TBC1D12: variants seen among roughly 807,000 people sequenced by gnomAD.
TBC1D12 encodes the protein TBC1 domain family member 12.
TBC1D12 carries 56 observed loss-of-function variants against 86.7 expected under a neutral mutation model. The observed-to-expected ratio is 0.65, with a 90% CI of 0.52 to 0.81. The LOEUF is 0.81. TBC1D12 is among the 30% of genes least tolerant of loss of function. The probability of loss-of-function intolerance (pLI) is 0.00; values close to 1 mark genes in which losing one functional copy is unlikely to be tolerated. For synonymous variants in TBC1D12, 421 were observed against 411.7 expected, an observed-to-expected ratio of 1.02 and a Z score of -0.27; for missense variants, 1,023 against 1,038.8, an observed-to-expected ratio of 0.98 and a Z score of 0.21.
rs565548061 is a variant in TBC1D12 at position 94,443,701 on chromosome 10, C to T, written c.1095+1682C>T. 2.0e-5 allele frequency among the ~76,000 whole-genome samples: 3 copies of T among 152,264 alleles called. No individual in the cohort carries two copies. In the East Asian group the frequency reaches 5.8e-4, roughly 29 times the overall value. ...AGTGCTACTACATACTTTTCTGTGGCATCATATCTTTGTGAATCTGTTTTT... is the reference window on the plus strand; with the variant it reads ...AGTGCTACTACATACTTTTCTGTGGTATCATATCTTTGTGAATCTGTTTTT... On this transcript the variant is annotated intron_variant, in intron 2 of 12. Transcript: ENST00000225235.
chr10:94,518,485 C>T (rs549051321), intron 9 of TBC1D12, among the ~76,000 whole-genome samples: 11 of 152,214 alleles, frequency 7.2e-5, no homozygotes, highest in African/African-American at 1.2e-4. Context: ...TTGTATGTGT[C>T]GTAACAATGT....
At chr10:94,458,834 C>T (rs934052653) in intron 2 of TBC1D12, among the ~76,000 whole-genome samples, 3 of 152,146 alleles carry the variant, frequency 2.0e-5, no homozygotes, top group Admixed American at 2.0e-4. Context: ...CCCATGGGTT[C>T]ATGGTCTTGC....
At chr10:94,527,450 A>T (rs1397611264) in intron 11 of TBC1D12, among the ~76,000 whole-genome samples, 4 of 146,858 alleles carry the variant, frequency 2.7e-5, no homozygotes, top group South Asian at 2.2e-4. Context: ...TTTGCCTATT[A>T]ATTTCCTGTC....
At chr10:94,525,701 G>A (rs1050542275) in intron 11 of TBC1D12, among the ~76,000 whole-genome samples, 1 of 148,848 alleles carries the variant, frequency 6.7e-6, no homozygotes, top group East Asian at 1.9e-4. Flanking sequence ...AACCGTAATT[G>A]CAACAATGTA....
intron 3 of TBC1D12, among the ~76,000 whole-genome samples, chr10:94,478,272 A>G (rs1381492103): frequency 6.6e-6 from 1 of 152,202 alleles, no homozygotes; most frequent in Non-Finnish European, 1.5e-5. Context: ...AGAAAAAATA[A>G]AATAAGATGA....
At chr10:94,417,831 C>T (rs1488870138) in intron 1 of TBC1D12, among the ~76,000 whole-genome samples, 2 of 151,088 alleles carry the variant, frequency 1.3e-5, no homozygotes, top group Non-Finnish European at 2.9e-5. Context: ...TCACTGCAAG[C>T]TCCACCTCCC....
chr10:94,530,754 C>G (rs1299825455), intron 11 of TBC1D12, among the ~76,000 whole-genome samples: 1 of 151,680 alleles, frequency 6.6e-6, no homozygotes, highest in Non-Finnish European at 1.5e-5. Flanking sequence ...TTCTACCACT[C>G]TAGTATATAT....
chr10:94,516,118 G>A (rs1475775935), intron 9 of TBC1D12, among the ~76,000 whole-genome samples: 1 of 152,162 alleles, frequency 6.6e-6, no homozygotes, highest in East Asian at 1.9e-4. Context: ...GGAAAGTGGA[G>A]GACTACTGTA....
intron 1 of TBC1D12, among the ~76,000 whole-genome samples, chr10:94,432,750 A>G (rs552981928): frequency 1.3e-5 from 2 of 150,656 alleles, no homozygotes; most frequent in Admixed American, 6.6e-5. Flanking sequence ...ACTATAATAT[A>G]TAATTAGAAC....
At chr10:94,458,812 T>C (rs540748466) in intron 2 of TBC1D12, among the ~76,000 whole-genome samples, 7 of 152,228 alleles carry the variant, frequency 4.6e-5, no homozygotes, top group African/African-American at 1.7e-4. Context: ...CATCTGGAGT[T>C]GTTCGTCCCT....
In TBC1D12 at chr10:94,403,287, G is replaced by C. The variant is rs1477035176; in HGVS notation, c.674G>C (p.Ser225Thr). 6.7e-7 allele frequency: 1 copy of C among 1,497,618 alleles called. No homozygotes were observed. The highest frequency in any genetic ancestry group is 8.9e-7 in the Non-Finnish European group (1 of 1,125,370). 92.8% of individuals were successfully genotyped at this position (1,497,618 alleles called of 1,614,324 possible). A position where few individuals can be genotyped will look rare whatever the true frequency, so the allele number is the denominator to read the frequency against. Residue 225 changes from serine (S) to threonine (T), a missense_variant, in exon 1 of 13, where the codon AGC becomes ACC. Physicochemically the swap from Ser to Thr is moderately conservative, Grantham distance 58 (BLOSUM62 1). Around this residue, in one of 2 missense-constraint regions of TBC1D12, gnomAD observed 628 missense variants for 531.1 expected, o/e 1.18. Coordinates refer to ENST00000225235, the MANE Select transcript of TBC1D12 (RefSeq NM_015188.2). ...AGCGACTCGGGGGACAGCCCCGCCA[G>C]CAGCTGCAGCAGTAGCGAGGACTCA... ...AGSDSGDSPA[S>T]SCSSSEDSEQ...
chr10:94,500,391 G>T, intron 6 of TBC1D12, 64 bp downstream of exon 6: 1 of 1,340,996 alleles, frequency 7.5e-7, no homozygotes, highest in Non-Finnish European at 1.0e-6. Context: ...TTACATAGCA[G>T]ATTAGTAGAG....
intron 1 of TBC1D12, among the ~76,000 whole-genome samples, chr10:94,430,143 C>T (rs7901625): frequency 0.17 from 26,338 of 152,098 alleles, 2,484 homozygotes; most frequent in East Asian, 0.38. Flanking sequence ...CTCCTTCAGC[C>T]GCCTGAGTAG....
chr10:94,407,591 G>T (rs1293010283), intron 1 of TBC1D12, among the ~76,000 whole-genome samples: 2 of 151,994 alleles, frequency 1.3e-5, no homozygotes, highest in Non-Finnish European at 2.9e-5. Context: ...GGCTGAGGTA[G>T]GAGAATTGCT....
chr10:94,463,098 A>G (rs995905174), intron 2 of TBC1D12, among the ~76,000 whole-genome samples: 3 of 152,184 alleles, frequency 2.0e-5, no homozygotes, highest in African/African-American at 7.2e-5. Flanking sequence ...TCAATGAAAG[A>G]TACTTTTCCT....
chr10:94,531,695 TTA>T (rs1222022355), intron 12 of TBC1D12, among the ~76,000 whole-genome samples: 1 of 143,422 alleles, frequency 7.0e-6, no homozygotes, highest in Non-Finnish European at 1.5e-5. Context: ...TTATGTTATT[TTA>T]TGTTATGTTA....
chr10:94,436,555 A>G (rs534647135), intron 1 of TBC1D12, among the ~76,000 whole-genome samples: 7 of 152,206 alleles, frequency 4.6e-5, no homozygotes, highest in Admixed American at 3.9e-4. Context: ...TGATATTTTT[A>G]TGATAGTGTT....
intron 12 of TBC1D12, among the ~76,000 whole-genome samples, chr10:94,531,834 GTTATT>G (rs1404573330): frequency 6.4e-5 from 9 of 141,676 alleles, no homozygotes; most frequent in Admixed American, 1.4e-4. Flanking sequence ...TTTATTTTAT[GTTATT>G]TTATTTTATG....
At chr10:94,508,068 A>G (rs955898944) in intron 7 of TBC1D12, among the ~76,000 whole-genome samples, 5 of 152,220 alleles carry the variant, frequency 3.3e-5, no homozygotes, top group Non-Finnish European at 5.9e-5. Flanking sequence ...CAGTGTCTAC[A>G]TAAATTACTG....
Sources: gnomAD v4.1 joint callset for allele counts (sites outside exome capture counted in the v4.1 genomes callset) on GRCh38, gnomAD v4.1.1 for gene constraint, gnomAD v4.1.1 regional missense constraint, MANE v1.5 for transcripts, NCBI Gene and HGNC (gene_info 2026-07-23, HGNC 2026-07-21) for gene names.